PDE3A: variants seen among roughly 807,000 people sequenced by gnomAD.
PDE3A encodes cGMP-inhibited 3',5'-cyclic phosphodiesterase 3A.
A neutral mutation model predicts 98.3 loss-of-function variants in PDE3A; 43 were observed. The ratio of observed to expected loss-of-function variants is 0.44; its 90% CI spans 0.34 to 0.56. The LOEUF (loss-of-function observed/expected upper bound fraction) is 0.56, where lower values mean the gene tolerates loss of function less well. Ranked by LOEUF, PDE3A falls within the 20% of genes least tolerant of loss-of-function variation. The pLI is 0.01. For synonymous variants in PDE3A, 663 were observed against 567.9 expected (o/e 1.17, Z -2.38); for missense variants, 1,427 against 1,440.7 (o/e 0.99, Z 0.15).
At chr12:20,534,431 T>C (rs1367099618) in intron 1 of PDE3A, among the ~76,000 whole-genome samples, 1 of 152,190 alleles carries the variant, frequency 6.6e-6, no homozygotes, top group African/African-American at 2.4e-5. Context: ...ATGATCTACC[T>C]CTAATGGGTC....
chr12:20,393,641 A>G (rs1274401284), intron 1 of PDE3A, among the ~76,000 whole-genome samples: 1 of 152,098 alleles, frequency 6.6e-6, no homozygotes, highest in East Asian at 1.9e-4. Context: ...TGTATCAATT[A>G]AAAAGTAAAG....
intron 1 of PDE3A, among the ~76,000 whole-genome samples, chr12:20,510,871 CTTCA>C (rs1257248372): frequency 6.6e-6 from 1 of 151,998 alleles, no homozygotes; most frequent in Non-Finnish European, 1.5e-5. Flanking sequence ...ATGTCTTCTC[CTTCA>C]TTCATTTGCT....
At chr12:20,503,345 G>A (rs184039194) in intron 1 of PDE3A, among the ~76,000 whole-genome samples, 1 of 151,928 alleles carries the variant, frequency 6.6e-6, no homozygotes, top group African/African-American at 2.4e-5. Context: ...ACTTTAACAG[G>A]TATTCCATAG....
chr12:20,378,994 A>G (rs1943618973), intron 1 of PDE3A, among the ~76,000 whole-genome samples: 1 of 151,754 alleles, frequency 6.6e-6, no homozygotes, highest in African/African-American at 2.4e-5. Context: ...ATTTTATGCA[A>G]GAATCTTGTG....
intron 1 of PDE3A, among the ~76,000 whole-genome samples, chr12:20,401,211 T>C (rs1944124199): frequency 6.6e-6 from 1 of 152,224 alleles, no homozygotes; most frequent in Non-Finnish European, 1.5e-5. Flanking sequence ...ACTTCTCAAC[T>C]GGTCTCCCTA....
chr12:20,396,346 G>C (rs1311319873), intron 1 of PDE3A, among the ~76,000 whole-genome samples: 1 of 152,016 alleles, frequency 6.6e-6, no homozygotes, highest in Non-Finnish European at 1.5e-5. Flanking sequence ...TCATGTTGAT[G>C]CCTTTATCGC....
chr12:20,400,093 T>C (rs1944094013), intron 1 of PDE3A, among the ~76,000 whole-genome samples: 1 of 152,046 alleles, frequency 6.6e-6, no homozygotes, highest in Non-Finnish European at 1.5e-5. Flanking sequence ...GTAGATACTT[T>C]AACACTAATC....
At chr12:20,634,590 TAGGG>T (rs1369786781) in intron 7 of PDE3A, among the ~76,000 whole-genome samples, 1 of 152,154 alleles carries the variant, frequency 6.6e-6, no homozygotes, top group Non-Finnish European at 1.5e-5. Context: ...GTTTAATGTA[TAGGG>T]AGAGAAATAG....
intron 1 of PDE3A, among the ~76,000 whole-genome samples, chr12:20,521,761 A>T (rs927984379): frequency 6.6e-6 from 1 of 152,146 alleles, no homozygotes; most frequent in Non-Finnish European, 1.5e-5. Flanking sequence ...GCTGAAGAAG[A>T]GACCCCGAGC....
intron 1 of PDE3A, among the ~76,000 whole-genome samples, chr12:20,445,110 C>CA (rs1222491157): frequency 6.6e-6 from 1 of 152,104 alleles, no homozygotes; most frequent in Non-Finnish European, 1.5e-5. Context: ...AAACGGGTTG[C>CA]AAAAGAGCAA....
intron 15 of PDE3A, among the ~76,000 whole-genome samples, chr12:20,669,573 C>G (rs1003471893): frequency 6.6e-6 from 1 of 151,970 alleles, no homozygotes; most frequent in Non-Finnish European, 1.5e-5. Context: ...GAATTTCCAA[C>G]CCAGAATTTC....
intron 2 of PDE3A, among the ~76,000 whole-genome samples, chr12:20,566,713 G>T (rs974563262): frequency 1.3e-5 from 2 of 151,862 alleles, no homozygotes; most frequent in South Asian, 4.1e-4. Flanking sequence ...ATGATGATTG[G>T]AAAATATAGA....
intron 1 of PDE3A, among the ~76,000 whole-genome samples, chr12:20,451,596 T>C (rs774632862): frequency 2.0e-5 from 3 of 152,216 alleles, no homozygotes; most frequent in Non-Finnish European, 4.4e-5. Context: ...CATAAGCAAG[T>C]ACACCCAGCC....
rs141994376 is a variant in PDE3A, at chr12:20,542,701, T to C, written c.961-13959T>C. 8.5e-5 allele frequency among the ~76,000 whole-genome samples: 13 copies of C among 152,222 alleles called. No individual in the cohort carries two copies. The East Asian group carries it at 2.1e-3, about 25-fold the overall frequency. ...AATATTGTTGAGTTAAAGCTTTTGA[T>C]GCAGCTGAGGCTATGTCTGGATTTT... On this transcript the variant is annotated intron_variant, in intron 1 of 15. Transcript: ENST00000359062.
intron 1 of PDE3A, among the ~76,000 whole-genome samples, chr12:20,404,828 T>TTTG (rs1212347910): frequency 1.1e-3 from 161 of 140,066 alleles, no homozygotes; most frequent in Non-Finnish European, 1.2e-3. Flanking sequence ...GTTACAGAGT[T>TTTG]TTTTTTTTTT....
At chr12:20,406,588 C>T (rs190526957) in intron 1 of PDE3A, among the ~76,000 whole-genome samples, 101 of 152,142 alleles carry the variant, frequency 6.6e-4, no homozygotes, top group Admixed American at 2.2e-3. Flanking sequence ...TATAAGTTCC[C>T]GATATATTTT....
intron 1 of PDE3A, among the ~76,000 whole-genome samples, chr12:20,423,624 G>A (rs759145146): frequency 7.2e-5 from 11 of 152,130 alleles, no homozygotes; most frequent in Non-Finnish European, 1.5e-4. Context: ...GGACTCTCAT[G>A]CGTAAGATTT....
chr12:20,473,229 A>T (rs1172281659), intron 1 of PDE3A, among the ~76,000 whole-genome samples: 1 of 152,182 alleles, frequency 6.6e-6, no homozygotes. Context: ...ATTAGCCTCA[A>T]ATTTAACACT....
chr12:20,451,423 G>A (rs1648849249), intron 1 of PDE3A, among the ~76,000 whole-genome samples: 1 of 152,040 alleles, frequency 6.6e-6, no homozygotes, highest in African/African-American at 2.4e-5. Flanking sequence ...ATAGGTGTGT[G>A]CCACCACACC....
Sources: gnomAD v4.1 joint callset for allele counts (sites outside exome capture counted in the v4.1 genomes callset) on GRCh38, gnomAD v4.1.1 for gene constraint, MANE v1.5 for transcripts, NCBI Gene and HGNC (gene_info 2026-07-23, HGNC 2026-07-21) for gene names.